TSGA10IP: variants seen among roughly 807,000 people sequenced by gnomAD.
The protein encoded by TSGA10IP is testis-specific protein 10-interacting protein.
TSGA10IP carries 64 observed loss-of-function variants against 63.2 expected under a neutral mutation model. That is an observed-to-expected ratio of 1.01 (90% confidence interval 0.83 to 1.25). The LOEUF (loss-of-function observed/expected upper bound fraction) is 1.25. Ranked by LOEUF, TSGA10IP falls within the 50% of genes most tolerant of loss-of-function variation. The pLI, the probability that TSGA10IP is intolerant of heterozygous loss-of-function variation, is 0.00. For missense variants in TSGA10IP, 681 were observed against 710.1 expected, an observed-to-expected ratio of 0.96 and a Z score of 0.47; for synonymous variants, 316 against 298.3, an observed-to-expected ratio of 1.06 and a Z score of -0.61.
At chr11:65,946,587 A>G (rs1162241531) in intron 1 of TSGA10IP, among the ~76,000 whole-genome samples, 5 of 152,148 alleles carry the variant, frequency 3.3e-5, no homozygotes, top group African/African-American at 1.2e-4. Flanking sequence ...GCAGGCCACC[A>G]CACTCGGCTA....
At chr11:65,951,488 G>A (rs943360664) in intron 4 of TSGA10IP, among the ~76,000 whole-genome samples, 2 of 148,516 alleles carry the variant, frequency 1.3e-5, no homozygotes, top group Non-Finnish European at 3.0e-5. Context: ...GTCTTTTTTT[G>A]AGAAATGTCT....
intron 5 of TSGA10IP, among the ~76,000 whole-genome samples, chr11:65,955,199 G>A (rs1288602935): frequency 1.3e-5 from 2 of 152,068 alleles, no homozygotes; most frequent in East Asian, 1.9e-4. Flanking sequence ...GCTGGAGATC[G>A]GGGAAGCTAC....
At chr11:65,947,465 C>A in exon 3 of TSGA10IP, 1 of 1,613,396 alleles carries the variant, frequency 6.2e-7, no homozygotes, top group Non-Finnish European at 8.5e-7. Context: ...GTCCGACAAG[C>A]AGGTCCAGCT....
At chr11:65,946,964 C>G in exon 2 of TSGA10IP, 1 of 1,613,936 alleles carries the variant, frequency 6.2e-7, no homozygotes, top group Non-Finnish European at 8.5e-7. Context: ...AAAGAAGGAC[C>G]GCAAGCCCAG....
At position 65,947,376 on chromosome 11, in the gene TSGA10IP, CT is replaced by C. The variant is rs761855379; in HGVS notation, c.552del (p.Thr185LeufsTer6). The C allele has an allele frequency of 1.2e-6, 2 of 1,612,404 alleles. No homozygotes were observed. Among genetic ancestry groups the C allele is most frequent in the African/African-American group, 2.7e-5 (2 of 74,922 alleles). ...GGAGCCTGGGGCGGTGTCTCCATCC[CT>C]ACTGGCAAAGGGGAGCTAGGATCAG... is the stretch of plus-strand genomic sequence containing the variant. On this transcript the variant is annotated frameshift_variant, in exon 3 of 8. Coordinates refer to ENST00000532620, the Ensembl canonical transcript of TSGA10IP. LOFTEE classifies it high-confidence loss of function.
At position 65,948,006 on chromosome 11, in the gene TSGA10IP, CA is replaced by C; in HGVS notation, c.1013del (p.Lys338SerfsTer7). The C allele has an allele frequency of 6.4e-7, 1 of 1,559,802 alleles. No individual in the cohort carries two copies. Among genetic ancestry groups the C allele is most frequent in the Non-Finnish European group, 8.7e-7 (1 of 1,151,696 alleles). On this transcript the variant is annotated frameshift_variant, in exon 4 of 8. Coordinates refer to ENST00000532620, the Ensembl canonical transcript of TSGA10IP. LOFTEE classifies it high-confidence loss of function. The stretch of plus-strand genomic sequence containing the variant: ...CTTGGTCCCACTGTGGGCAGGCCCC[CA>C]AAAGCTGCCCTGGAAGACTTTGAGG...
At chr11:65,958,527 G>C (rs1855063253) in intron 5 of TSGA10IP, among the ~76,000 whole-genome samples, 1 of 152,060 alleles carries the variant, frequency 6.6e-6, no homozygotes, top group Non-Finnish European at 1.5e-5. Context: ...GGATGGGGAG[G>C]GGAAGCTATG....
At chr11:65,945,564 T>C (rs1248136491) in exon 1 of TSGA10IP, 11 of 1,249,920 alleles carry the variant, frequency 8.8e-6, no homozygotes, top group African/African-American at 1.5e-5. Flanking sequence ...CATACCCCAC[T>C]GACCCCTTCC....
At chr11:65,957,214 A>G (rs890993833) in intron 5 of TSGA10IP, among the ~76,000 whole-genome samples, 6 of 151,964 alleles carry the variant, frequency 3.9e-5, no homozygotes, top group African/African-American at 1.5e-4. Flanking sequence ...ACAGTGGTGC[A>G]ATCTCGCCTC....
At chr11:65,951,672 G>C (rs1477762444) in intron 4 of TSGA10IP, among the ~76,000 whole-genome samples, 2 of 151,670 alleles carry the variant, frequency 1.3e-5, no homozygotes, top group Non-Finnish European at 2.9e-5. Context: ...TGAGTAGCTG[G>C]GATTACAGGT....
At chr11:65,945,713 A>G (rs754209880) in exon 1 of TSGA10IP, 1 of 1,613,834 alleles carries the variant, frequency 6.2e-7, no homozygotes, top group South Asian at 1.1e-5. Context: ...ACCTACCAAC[A>G]GTTGGTTAGG....
chr11:65,959,370 C>T (rs747555208), intron 7 of TSGA10IP, 56 bp downstream of exon 7: 235 of 1,589,166 alleles, frequency 1.5e-4, no homozygotes, highest in Non-Finnish European at 1.9e-4. Flanking sequence ...CGGGAAGGGG[C>T]GCCCACACCA....
exon 1 of TSGA10IP, chr11:65,945,564 T>G (rs1248136491): frequency 8.0e-7 from 1 of 1,250,038 alleles, no homozygotes; most frequent in Non-Finnish European, 1.1e-6. Context: ...CATACCCCAC[T>G]GACCCCTTCC....
At chr11:65,947,243 T>C (rs748628353) in exon 3 of TSGA10IP, 2 of 1,610,520 alleles carry the variant, frequency 1.2e-6, no homozygotes, top group Non-Finnish European at 1.7e-6. Flanking sequence ...CATGCCCTCC[T>C]CGTTCTCCCA....
intron 3 of TSGA10IP, 33 bp from the exon 4 acceptor site, chr11:65,947,968 G>A: frequency 1.3e-6 from 2 of 1,545,784 alleles, no homozygotes; most frequent in South Asian, 1.2e-5. Flanking sequence ...GAGAGGGAGA[G>A]GGCAGCCCCT....
chr11:65,947,403 A>G (rs1195924129), exon 3 of TSGA10IP: 8 of 1,613,314 alleles, frequency 5.0e-6, no homozygotes, highest in Non-Finnish European at 5.9e-6. Context: ...CTAGGATCAG[A>G]GCCCCCCAGT....
At chr11:65,952,562 C>A (rs1332591370) in intron 4 of TSGA10IP, among the ~76,000 whole-genome samples, 1 of 152,048 alleles carries the variant, frequency 6.6e-6, no homozygotes, top group Non-Finnish European at 1.5e-5. Flanking sequence ...GATTCTCCCA[C>A]CTTAACCTCC....
At chr11:65,951,917 T>C (rs1854949268) in intron 4 of TSGA10IP, among the ~76,000 whole-genome samples, 2 of 150,056 alleles carry the variant, frequency 1.3e-5, no homozygotes, top group Admixed American at 1.3e-4. Flanking sequence ...TGGCATAATC[T>C]TGGCTCACTG....
chr11:65,947,779 A>G (rs914353837), exon 3 of TSGA10IP: 2 of 1,583,502 alleles, frequency 1.3e-6, no homozygotes, highest in Admixed American at 1.8e-5. Context: ...TGCAGGGGCC[A>G]TGGGACCTGG....
Sources: allele counts gnomAD v4.1 joint callset (sites outside exome capture counted in the v4.1 genomes callset), GRCh38; gene constraint gnomAD v4.1.1; transcripts MANE v1.5; gene names NCBI Gene and HGNC (gene_info 2026-07-23, HGNC 2026-07-21).